The following ARFIP1 variants were observed in gnomAD, a reference collection of about 807,000 sequenced individuals.
ARFIP1 encodes arfaptin-1.
A neutral mutation model predicts 42.5 loss-of-function variants in ARFIP1; 24 were observed. The observed-to-expected ratio is 0.57, with a 90% CI of 0.41 to 0.80. ARFIP1 has a LOEUF of 0.80. Among genes scored for constraint, ARFIP1 ranks in the 30% least tolerant of loss-of-function variants. The probability of loss-of-function intolerance (pLI) is 0.00; values close to 1 mark genes in which losing one functional copy is unlikely to be tolerated. For missense variants in ARFIP1, 354 were observed against 434.0 expected (o/e 0.82, Z 1.64); for synonymous variants, 141 against 153.7 (o/e 0.92, Z 0.61).
At chr4:152,854,059 C>T (rs1056875705) in intron 2 of ARFIP1, among the ~76,000 whole-genome samples, 3 of 151,776 alleles carry the variant, frequency 2.0e-5, no homozygotes, top group Non-Finnish European at 4.4e-5. Flanking sequence ...ATTACAGGCA[C>T]GTGCCACCAC....
chr4:152,870,200 A>G (rs574824848), intron 3 of ARFIP1, among the ~76,000 whole-genome samples: 3 of 152,362 alleles, frequency 2.0e-5, no homozygotes, highest in Admixed American at 1.3e-4. Context: ...CTATGTCCAC[A>G]TTATGAATAG....
At chr4:152,833,635 G>A (rs973948544) in intron 2 of ARFIP1, among the ~76,000 whole-genome samples, 1 of 152,092 alleles carries the variant, frequency 6.6e-6, no homozygotes, top group Non-Finnish European at 1.5e-5. Flanking sequence ...ATGGATGAAT[G>A]GATAAAGAAA....
At chr4:152,785,804 C>T (rs939052346) in intron 1 of ARFIP1, among the ~76,000 whole-genome samples, 8 of 152,148 alleles carry the variant, frequency 5.3e-5, no homozygotes, top group East Asian at 1.9e-4. Context: ...CCACATGTAG[C>T]TATTTAAGTT....
intron 3 of ARFIP1, among the ~76,000 whole-genome samples, chr4:152,865,381 C>G (rs531800019): frequency 6.6e-6 from 1 of 152,314 alleles, no homozygotes; most frequent in South Asian, 2.1e-4. Context: ...AGGCAGTCCT[C>G]CTGCCTGGGC....
At chr4:152,840,293 T>C (rs1169059766) in intron 2 of ARFIP1, among the ~76,000 whole-genome samples, 1 of 152,202 alleles carries the variant, frequency 6.6e-6, no homozygotes, top group Non-Finnish European at 1.5e-5. Context: ...TTTAAATCCA[T>C]TGTTTCTTTG....
chr4:152,808,416 G>T (rs1339779539), intron 1 of ARFIP1, among the ~76,000 whole-genome samples: 1 of 148,634 alleles, frequency 6.7e-6, no homozygotes, highest in African/African-American at 2.5e-5. Flanking sequence ...CCAGGTTTTG[G>T]CCATTATAGG....
chr4:152,865,922 G>A (rs1182171971), intron 3 of ARFIP1, among the ~76,000 whole-genome samples: 1 of 151,976 alleles, frequency 6.6e-6, no homozygotes, highest in African/African-American at 2.4e-5. Flanking sequence ...CGCAGAGGGG[G>A]ATTTGGCAGG....
chr4:152,880,069 C>T (rs1397947542), intron 5 of ARFIP1, among the ~76,000 whole-genome samples: 1 of 152,108 alleles, frequency 6.6e-6, no homozygotes, highest in Non-Finnish European at 1.5e-5. Context: ...AGGCTGAGCA[C>T]AACGGCTCAC....
chr4:152,884,748 G>A (rs1736130357), intron 7 of ARFIP1, among the ~76,000 whole-genome samples: 1 of 151,964 alleles, frequency 6.6e-6, no homozygotes, highest in Admixed American at 6.6e-5. Context: ...AATTTCAAAG[G>A]CAAAATAAGA....
intron 8 of ARFIP1, among the ~76,000 whole-genome samples, chr4:152,890,914 G>A (rs886241184): frequency 2.0e-5 from 3 of 152,000 alleles, no homozygotes; most frequent in Middle Eastern, 3.2e-3. Context: ...CGTCTTTTTG[G>A]GCTGCTGTAA....
chr4:152,837,029 T>C (rs1731706983), intron 2 of ARFIP1, among the ~76,000 whole-genome samples: 1 of 152,040 alleles, frequency 6.6e-6, no homozygotes, highest in Non-Finnish European at 1.5e-5. Context: ...GAACATACGA[T>C]GTTTGGTTTC....
chr4:152,837,004 C>G lies in ARFIP1; in HGVS notation c.93+7278C>G, dbSNP rs564396443. 9.9e-5 allele frequency among the ~76,000 whole-genome samples: 15 copies of G among 152,044 alleles called. No individual in the cohort carries two copies. In the South Asian group the frequency reaches 2.7e-3, roughly 27 times the overall value. On this transcript the variant is annotated intron_variant, in intron 2 of 8. Transcript: ENST00000353617. Reference sequence around the variant, plus strand: ...TCTTTGCATCCTCATAGCCTAGTTCCCACATAATCAGTGAGAACATACGAT... The same window carrying G: ...TCTTTGCATCCTCATAGCCTAGTTCGCACATAATCAGTGAGAACATACGAT...
intron 2 of ARFIP1, among the ~76,000 whole-genome samples, chr4:152,847,879 G>A (rs1055424303): frequency 1.3e-5 from 2 of 152,138 alleles, no homozygotes; most frequent in Admixed American, 1.3e-4. Context: ...CCCGTGGAAG[G>A]CCCAAAACAA....
Position 152,893,685 on chromosome 4 carries a change from T to A in ARFIP1, c.966+5378T>A, listed in dbSNP as rs575476990. 2.0e-5 allele frequency among the ~76,000 whole-genome samples: 3 copies of A among 152,256 alleles called. No homozygotes were observed. The East Asian group carries it at 5.8e-4, about 29-fold the overall frequency. ...TGTCAAATTAGCTATAACTATTAAA[T>A]GCAGGTTTGTTTCATTATTATGTTA... On this transcript the variant is annotated intron_variant, in intron 8 of 8. Transcript: ENST00000353617.
At chr4:152,881,570 G>A (rs1735850897) in intron 6 of ARFIP1, among the ~76,000 whole-genome samples, 1 of 152,144 alleles carries the variant, frequency 6.6e-6, no homozygotes, top group Non-Finnish European at 1.5e-5. Flanking sequence ...TCAGTGAAGT[G>A]TGTAACTTAG....
chr4:152,871,038 A>G (rs973698831), intron 4 of ARFIP1, among the ~76,000 whole-genome samples, 190 bp downstream of exon 4: 1 of 152,166 alleles, frequency 6.6e-6, no homozygotes, highest in Non-Finnish European at 1.5e-5. Context: ...TTTCAGAATA[A>G]TTCGGCTGTA....
At chr4:152,809,823 A>C (rs1260508313) in intron 1 of ARFIP1, 1 of 152,210 alleles carries the variant, frequency 6.6e-6, no homozygotes, top group Non-Finnish European at 1.5e-5. Context: ...CATACAACTC[A>C]AGAAAATCAC....
chr4:152,898,148 A>C (rs1261623183), intron 8 of ARFIP1, among the ~76,000 whole-genome samples: 1 of 151,622 alleles, frequency 6.6e-6, no homozygotes, highest in Non-Finnish European at 1.5e-5. Context: ...ACGCCCAGCT[A>C]AGTTTTTGGA....
At chr4:152,823,271 T>TATGCATA (rs1730537655) in intron 1 of ARFIP1, among the ~76,000 whole-genome samples, 2 of 152,306 alleles carry the variant, frequency 1.3e-5, no homozygotes, top group Non-Finnish European at 2.9e-5. Context: ...GGACACCTGT[T>TATGCATA]ATGCATACAA....
Sources: gnomAD v4.1 joint callset for allele counts (sites outside exome capture counted in the v4.1 genomes callset) on GRCh38, gnomAD v4.1.1 for gene constraint, MANE v1.5 for transcripts, NCBI Gene and HGNC (gene_info 2026-07-23, HGNC 2026-07-21) for gene names.